Variants in PLAA observed in about 807,000 individuals in gnomAD.
PLAA encodes the protein phospholipase A-2-activating protein.
A neutral mutation model predicts 84.1 loss-of-function variants in PLAA; 48 were observed. The observed-to-expected ratio is 0.57, with a 90% confidence interval of 0.45 to 0.73. The LOEUF (loss-of-function observed/expected upper bound fraction) is 0.73, where lower values mean the gene tolerates loss of function less well. Among genes scored for constraint, PLAA ranks in the 30% least tolerant of loss-of-function variants. The probability of loss-of-function intolerance (pLI) is 0.00; values close to 1 mark genes in which losing one functional copy is unlikely to be tolerated. For synonymous variants in PLAA, 392 were observed against 336.6 expected, an observed-to-expected ratio of 1.16 and a Z score of -1.80; for missense variants, 903 against 954.7, an observed-to-expected ratio of 0.95 and a Z score of 0.71.
In PLAA at chr9:26,947,165, C is replaced by A; in HGVS notation, c.-120G>T. On this transcript the variant is annotated 5_prime_UTR_variant, in exon 1 of 14. Transcript: ENST00000397292. ...CCTGCAGGTAAGGGGCGGCCGGAGA[C>A]CGGAAGAGCCCGAGAGCCGGTACGG... 8.3e-6 allele frequency: 10 copies of A among 1,198,950 alleles called. No homozygotes were observed. Among genetic ancestry groups the A allele is most frequent in the Non-Finnish European group, 1.1e-5 (10 of 903,438 alleles). 74.3% of individuals were successfully genotyped at this position (1,198,950 alleles called of 1,614,324 possible).
intron 11 of PLAA, among the ~76,000 whole-genome samples, chr9:26,910,816 C>G (rs1487971278): frequency 6.6e-6 from 1 of 151,926 alleles, no homozygotes; most frequent in African/African-American, 2.4e-5. Flanking sequence ...AGCCACCGAG[C>G]CTGGTCTAAG....
At chr9:26,916,075 G>C in intron 10 of PLAA, 2 of 985,350 alleles carry the variant, frequency 2.0e-6, no homozygotes, top group Non-Finnish European at 2.4e-6. Context: ...CAATGCACAT[G>C]GTACAACCAT....
intron 7 of PLAA, among the ~76,000 whole-genome samples, chr9:26,921,864 GGGAAGCTACTAA>G (rs1381607572): frequency 1.3e-5 from 2 of 152,166 alleles, no homozygotes; most frequent in African/African-American, 4.8e-5. Context: ...CAATACAAAT[GGGAAGCTACTAA>G]GTTCCTGGTG....
intron 1 of PLAA, among the ~76,000 whole-genome samples, chr9:26,938,465 T>C (rs751310747): frequency 1.1e-4 from 16 of 150,880 alleles, no homozygotes; most frequent in Non-Finnish European, 2.4e-4. Context: ...GGCGAGAGGA[T>C]CCCTTGAGCC....
chr9:26,936,967 C>G (rs1825379132), intron 1 of PLAA, among the ~76,000 whole-genome samples: 1 of 152,002 alleles, frequency 6.6e-6, no homozygotes, highest in African/African-American at 2.4e-5. Context: ...ATGGTGAAAC[C>G]CCGTCTCTAC....
chr9:26,925,747 T>C (rs904821523), intron 6 of PLAA, 78 bp downstream of exon 6: 1 of 1,290,296 alleles, frequency 7.8e-7, no homozygotes, highest in African/African-American at 1.5e-5. Context: ...AAATTCCTTA[T>C]GGCTTATCTC....
chr9:26,917,905 A>G (rs554621672), intron 9 of PLAA, among the ~76,000 whole-genome samples: 23 of 152,342 alleles, frequency 1.5e-4, no homozygotes, highest in Admixed American at 3.3e-4. Context: ...TTCCAGACAA[A>G]GTCAGCTGCT....
At chr9:26,913,971 T>C (rs1824476102) in intron 10 of PLAA, 24 bp from the exon 11 acceptor site, 1 of 1,528,128 alleles carries the variant, frequency 6.5e-7, no homozygotes. Flanking sequence ...ATACTCCTAG[T>C]AAGCAAAGGT....
chr9:26,932,624 A>G (rs1479561483), intron 2 of PLAA, among the ~76,000 whole-genome samples: 1 of 152,214 alleles, frequency 6.6e-6, no homozygotes, highest in African/African-American at 2.4e-5. Flanking sequence ...CCTGTTTTAG[A>G]GCCACATAAT....
intron 2 of PLAA, among the ~76,000 whole-genome samples, chr9:26,930,249 C>T (rs996438962): frequency 3.9e-5 from 6 of 151,910 alleles, no homozygotes; most frequent in African/African-American, 9.7e-5. Flanking sequence ...GGACCACAGG[C>T]GCCCGCCACC....
At position 26,916,086 on chromosome 9, in the gene PLAA, T is replaced by C. The variant is rs967486367; in HGVS notation, c.1486+1011A>G. ...TTATCAATGCACATGGTACAACCATTTCCATCTGGGCCATCAATAAATTCA... is the reference window on the plus strand; with the variant it reads ...TTATCAATGCACATGGTACAACCATCTCCATCTGGGCCATCAATAAATTCA... On this transcript the variant is annotated intron_variant, in intron 10 of 13. Coordinates refer to ENST00000397292, the MANE Select transcript of PLAA (RefSeq NM_001031689.3). The C allele has an allele frequency of 7.1e-6, 7 of 985,332 alleles. No homozygotes were observed. In the African/African-American group the frequency reaches 1.0e-4, roughly 15 times the overall value. 61.0% of individuals were successfully genotyped at this position (985,332 alleles called of 1,614,324 possible).
At chr9:26,910,517 T>C in intron 11 of PLAA, 78 bp from the exon 12 acceptor site, 1 of 1,074,616 alleles carries the variant, frequency 9.3e-7, no homozygotes, top group Non-Finnish European at 1.4e-6. Context: ...TGACTTAGTT[T>C]TCACAATTAT....
At chr9:26,941,414 A>T (rs370033074) in intron 1 of PLAA, among the ~76,000 whole-genome samples, 6 of 152,274 alleles carry the variant, frequency 3.9e-5, no homozygotes, top group Admixed American at 2.6e-4. Flanking sequence ...GATCAGCCCA[A>T]TATAATGGCC....
rs12000745 is a variant in PLAA, at chr9:26,905,185, T to G, written c.*326A>C. 0.057 allele frequency: 13,984 copies of G among 245,926 alleles called. 601 individuals carry two copies. The highest frequency in any genetic ancestry group is 0.13 in the African/African-American group (5,853 of 43,996). 15.2% of individuals were successfully genotyped at this position (245,926 alleles called of 1,614,324 possible). A position where few individuals can be genotyped will look rare whatever the true frequency, so the allele number is the denominator to read the frequency against. ...CAACAGTTTGGTGTACATTAAGTAA[T>G]AAAAGCAAGTTATATGAGTAACAGC... On this transcript the variant is annotated 3_prime_UTR_variant, in exon 14 of 14. Coordinates refer to ENST00000397292, the MANE Select transcript of PLAA (RefSeq NM_001031689.3).
At chr9:26,911,602 T>C (rs1397425020) in intron 11 of PLAA, among the ~76,000 whole-genome samples, 4 of 152,210 alleles carry the variant, frequency 2.6e-5, no homozygotes, top group Non-Finnish European at 5.9e-5. Flanking sequence ...CCTAGTCTTT[T>C]ATACTTTTTT....
At chr9:26,906,690 A>G (rs1222116666) in intron 13 of PLAA, among the ~76,000 whole-genome samples, 1 of 152,110 alleles carries the variant, frequency 6.6e-6, no homozygotes, top group Non-Finnish European at 1.5e-5. Context: ...GGTCTCCCAA[A>G]GTGCTGGGAT....
Position 26,928,151 on chromosome 9 carries a change from C to G in PLAA, c.514G>C (p.Asp172His). Reference protein sequence around the residue: ...EQGLMLTGSADKTVKLWKAGR... With the variant: ...EQGLMLTGSAHKTVKLWKAGR... ...GCCTTCCACAGTTTAACAGTCTTGT[C>G]TGCTGATCCAGTCAACATTAAGCCC... is the stretch of plus-strand genomic sequence containing the variant. Residue 172 changes from aspartate (D) to histidine (H), a missense_variant, in exon 4 of 14, where the codon GAC becomes CAC. By Grantham distance (81) the Asp-to-His change is moderately conservative. Coordinates refer to ENST00000397292, the MANE Select transcript of PLAA (RefSeq NM_001031689.3). 6.2e-7 allele frequency: 1 copy of G among 1,614,204 alleles called. No homozygotes were observed. Among genetic ancestry groups the G allele is most frequent in the Non-Finnish European group, 8.5e-7 (1 of 1,180,028 alleles).
chr9:26,919,993 G>C (rs568596250), intron 8 of PLAA, among the ~76,000 whole-genome samples: 1 of 152,250 alleles, frequency 6.6e-6, no homozygotes, highest in East Asian at 1.9e-4. Context: ...CTTTTGTATA[G>C]AAACTACTAC....
At chr9:26,929,853 C>T (rs891693265) in intron 2 of PLAA, among the ~76,000 whole-genome samples, 1 of 152,122 alleles carries the variant, frequency 6.6e-6, no homozygotes, top group Non-Finnish European at 1.5e-5. Context: ...GAAGCTGAAT[C>T]GTTGATGACC....
Sources: gnomAD v4.1 joint callset for allele counts (sites outside exome capture counted in the v4.1 genomes callset) on GRCh38, gnomAD v4.1.1 for gene constraint, MANE v1.5 for transcripts, NCBI Gene and HGNC (gene_info 2026-07-23, HGNC 2026-07-21) for gene names.